MAD1L1: variants seen among roughly 807,000 people sequenced by gnomAD.
MAD1L1 encodes the protein mitotic spindle assembly checkpoint protein MAD1.
Under a neutral mutation model 96.9 loss-of-function variants are expected in MAD1L1, and 95 were observed. The ratio of observed to expected loss-of-function variants is 0.98; its 90% CI spans 0.83 to 1.16. MAD1L1 has a LOEUF of 1.16. Among genes scored for constraint, MAD1L1 ranks in the 50% most tolerant of loss-of-function variants. MAD1L1 has a pLI of 0.00. For missense variants in MAD1L1, 1,007 were observed against 954.4 expected (o/e 1.06, Z -0.73); for synonymous variants, 473 against 396.6 (o/e 1.19, Z -2.29).
chr7:2,004,953 G>T (rs1781965176), intron 13 of MAD1L1, among the ~76,000 whole-genome samples: 1 of 152,212 alleles, frequency 6.6e-6, no homozygotes, highest in African/African-American at 2.4e-5. Flanking sequence ...CACAGTCGCT[G>T]GCGAAAGGTG....
At chr7:2,050,573 C>T (rs116822229) in intron 12 of MAD1L1, among the ~76,000 whole-genome samples, 80 of 152,348 alleles carry the variant, frequency 5.3e-4, no homozygotes, top group African/African-American at 1.9e-3. Flanking sequence ...AGACACTTCA[C>T]ACCTTCTGAC....
intron 11 of MAD1L1, among the ~76,000 whole-genome samples, chr7:2,131,279 C>T (rs1333988591): frequency 6.6e-6 from 1 of 152,174 alleles, no homozygotes; most frequent in Non-Finnish European, 1.5e-5. Context: ...GACGCATGTA[C>T]TATGGTCTGG....
chr7:2,134,515 G>A (rs1182838263), intron 11 of MAD1L1, among the ~76,000 whole-genome samples: 1 of 152,234 alleles, frequency 6.6e-6, no homozygotes, highest in East Asian at 1.9e-4. Context: ...ACAGCGAATA[G>A]GAGTGGTGAG....
intron 12 of MAD1L1, among the ~76,000 whole-genome samples, chr7:2,016,991 T>C (rs569511372): frequency 6.6e-6 from 1 of 152,352 alleles, no homozygotes; most frequent in South Asian, 2.1e-4. Flanking sequence ...AAGCTGTAAT[T>C]GTCTCTTTTA....
In MAD1L1 at chr7:1,887,520, C is replaced by T. The variant is rs1360139707; in HGVS notation, c.1998+10680G>A. Reference sequence around the variant, plus strand: ...GTGTGCATGTATGTGGCTGCCTGTGCGTGTGTGTCTGCATGTGGCTGCCTG... The same window carrying T: ...GTGTGCATGTATGTGGCTGCCTGTGTGTGTGTGTCTGCATGTGGCTGCCTG... On this transcript the variant is annotated intron_variant, in intron 18 of 18. Coordinates refer to ENST00000265854, the MANE Select transcript of MAD1L1 (RefSeq NM_001013836.2). Among the ~76,000 whole-genome samples the T allele has an allele frequency of 3.3e-4, 45 of 135,502 alleles. 1 individual carries two copies. The highest frequency in any genetic ancestry group is 9.5e-4 in the African/African-American group (34 of 35,820). 88.9% of individuals were successfully genotyped at this position (135,502 alleles called of 152,430 possible).
chr7:2,202,667 A>G (rs1278813682), intron 10 of MAD1L1, among the ~76,000 whole-genome samples: 1 of 152,218 alleles, frequency 6.6e-6, no homozygotes, highest in Non-Finnish European at 1.5e-5. Context: ...CGCCAATTAA[A>G]ATGGACCAAC....
intron 18 of MAD1L1, among the ~76,000 whole-genome samples, chr7:1,860,235 T>C (rs1421965948): frequency 1.4e-5 from 2 of 142,846 alleles, no homozygotes; most frequent in African/African-American, 5.3e-5. Context: ...TCCCTAGACA[T>C]GACATCCTGC....
rs1781825919 is a variant in MAD1L1 at position 2,002,129 on chromosome 7, A to C, written c.1360-8T>G. The stretch of plus-strand genomic sequence containing the variant: ...GGCCTGCGACAGCTGAGCCTGCAAG[A>C]CAAGACAGGATTCGGCCTGAGACTG... On this transcript the variant is annotated splice_polypyrimidine_tract_variant and splice_region_variant and intron_variant, in intron 13 of 18. Transcript: ENST00000265854. 1 of 1,612,808 alleles carries C rather than the reference A, an allele frequency of 6.2e-7. No homozygotes were observed. The highest frequency in any genetic ancestry group is 8.5e-7 in the Non-Finnish European group (1 of 1,179,938).
At chr7:1,873,499 C>T (rs529465695) in intron 18 of MAD1L1, among the ~76,000 whole-genome samples, 8 of 150,690 alleles carry the variant, frequency 5.3e-5, no homozygotes, top group Non-Finnish European at 1.2e-4. Flanking sequence ...GAGCACGGCA[C>T]GGCCGGGGCT....
At chr7:2,121,266 A>T (rs1318208001) in intron 11 of MAD1L1, among the ~76,000 whole-genome samples, 1 of 152,236 alleles carries the variant, frequency 6.6e-6, no homozygotes, top group African/African-American at 2.4e-5. Context: ...ACAAGCCCAG[A>T]TGCGGCTCCT....
intron 4 of MAD1L1, among the ~76,000 whole-genome samples, chr7:2,224,657 A>T (rs1216973191): frequency 6.6e-6 from 1 of 152,182 alleles, no homozygotes; most frequent in Non-Finnish European, 1.5e-5. Context: ...GAGGCCAGGG[A>T]GACTTTCCGC....
intron 12 of MAD1L1, among the ~76,000 whole-genome samples, chr7:2,050,531 A>C (rs1464514908): frequency 6.6e-6 from 1 of 152,232 alleles, no homozygotes; most frequent in Non-Finnish European, 1.5e-5. Context: ...CCACAAGCCA[A>C]CAGTGGCCTA....
At chr7:1,981,683 G>A (rs748767720) in intron 14 of MAD1L1, among the ~76,000 whole-genome samples, 8 of 152,282 alleles carry the variant, frequency 5.3e-5, no homozygotes, top group East Asian at 1.9e-4. Flanking sequence ...CACGGCAGCC[G>A]GAGGCCCCCA....
intron 18 of MAD1L1, among the ~76,000 whole-genome samples, chr7:1,839,289 C>A (rs1241804873): frequency 1.1e-4 from 17 of 152,252 alleles, no homozygotes; most frequent in South Asian, 6.2e-4. Context: ...CCAGGACAGA[C>A]ACTCGGGGTC....
At chr7:2,190,231 C>G (rs1258384049) in intron 10 of MAD1L1, among the ~76,000 whole-genome samples, 2 of 152,074 alleles carry the variant, frequency 1.3e-5, no homozygotes, top group Non-Finnish European at 2.9e-5. Context: ...GAAAGAAGAC[C>G]TCGAGCAAAG....
At chr7:2,118,916 C>T (rs546530535) in intron 11 of MAD1L1, among the ~76,000 whole-genome samples, 1 of 152,174 alleles carries the variant, frequency 6.6e-6, no homozygotes, top group African/African-American at 2.4e-5. Context: ...GATTGTGCCT[C>T]CCGTCTCTCT....
In MAD1L1 at chr7:2,216,218, C is replaced by T. The variant is rs1793268634; in HGVS notation, c.748G>A (p.Val250Ile). 3 of 1,614,006 alleles carry T rather than the reference C, an allele frequency of 1.9e-6. No individual in the cohort carries two copies. Among genetic ancestry groups the T allele is most frequent in the Non-Finnish European group, 2.5e-6 (3 of 1,180,038 alleles). The change falls in exon 8 of 19, where the codon GTA (valine) becomes ATA (isoleucine). Residue 250 changes from valine (V) to isoleucine (I), a missense_variant. Val to Ile is a conservative substitution (Grantham distance 29). Transcript: ENST00000265854. Reference protein sequence around the residue: ...AIVKNMKSELVRLPRLERELK... With the variant: ...AIVKNMKSELIRLPRLERELK... ...TCCCGTTCCAGCCTAGGGAGCCGTA[C>T]CAGCTCAGACTTCATGTTCTTCACA...
At chr7:1,902,438 C>T (rs1398864690) in intron 17 of MAD1L1, among the ~76,000 whole-genome samples, 3 of 152,174 alleles carry the variant, frequency 2.0e-5, no homozygotes, top group Non-Finnish European at 2.9e-5. Flanking sequence ...ATGCCGGGGC[C>T]CAGGCCTTTC....
intron 17 of MAD1L1, among the ~76,000 whole-genome samples, chr7:1,936,111 A>G (rs1346486337): frequency 1.3e-5 from 2 of 152,206 alleles, no homozygotes; most frequent in Non-Finnish European, 2.9e-5. Flanking sequence ...TGCAGAGTCG[A>G]CACAGCCCCG....
Sources: allele counts gnomAD v4.1 joint callset (sites outside exome capture counted in the v4.1 genomes callset), GRCh38; gene constraint gnomAD v4.1.1; transcripts MANE v1.5; gene names NCBI Gene and HGNC (gene_info 2026-07-23, HGNC 2026-07-21).